RPRD1B: variants seen among roughly 807,000 people sequenced by gnomAD.
The protein encoded by RPRD1B is regulation of nuclear pre-mRNA domain-containing protein 1B.
Under a neutral mutation model 41.5 loss-of-function variants are expected in RPRD1B, and 11 were observed. The observed-to-expected ratio is 0.27, with a 90% CI of 0.17 to 0.44. RPRD1B has a LOEUF of 0.44. RPRD1B is among the 20% of genes least tolerant of loss of function. The pLI, the probability that RPRD1B is intolerant of heterozygous loss-of-function variation, is 1.00. For missense variants in RPRD1B, 248 were observed against 389.9 expected (o/e 0.64, Z 3.06); for synonymous variants, 158 against 155.6 (o/e 1.02, Z -0.12).
At chr20:38,070,326 C>T in intron 6 of RPRD1B, 1 of 985,362 alleles carries the variant, frequency 1.0e-6, no homozygotes, top group Non-Finnish European at 1.2e-6. Flanking sequence ...TTGTCATGAA[C>T]ATGAGAAAAC....
chr20:38,058,487 C>T (rs2074265857), intron 4 of RPRD1B, among the ~76,000 whole-genome samples: 1 of 152,204 alleles, frequency 6.6e-6, no homozygotes, highest in South Asian at 2.1e-4. Flanking sequence ...ACAGAGCTAG[C>T]TACTCCTTGG....
intron 3 of RPRD1B, 86 bp from the exon 4 acceptor site, chr20:38,057,446 T>C: frequency 1.1e-6 from 1 of 881,890 alleles, no homozygotes; most frequent in South Asian, 1.4e-5. Context: ...TTCTGCCCTG[T>C]TTTTACATGT....
chr20:38,055,808 A>T (rs1325101825), intron 3 of RPRD1B, among the ~76,000 whole-genome samples: 2 of 152,170 alleles, frequency 1.3e-5, no homozygotes, highest in African/African-American at 4.8e-5. Flanking sequence ...GACCTGCATA[A>T]CAGGTGTTCA....
chr20:38,051,398 G>C (rs1312281348), intron 3 of RPRD1B, among the ~76,000 whole-genome samples: 2 of 152,174 alleles, frequency 1.3e-5, no homozygotes, highest in African/African-American at 4.8e-5. Context: ...TAGATACAAA[G>C]GGACTAGCAT....
chr20:38,049,700 T>C, intron 3 of RPRD1B: 1 of 471,114 alleles, frequency 2.1e-6, no homozygotes, highest in South Asian at 1.5e-5. Context: ...GATCAAATGT[T>C]GTTTAGTTAC....
At position 38,066,012 on chromosome 20, in the gene RPRD1B, A is replaced by G. The variant is rs75680064; in HGVS notation, c.656-69A>G. The G allele has an allele frequency of 5.9e-4, 873 of 1,491,106 alleles. 2 individuals are homozygous for G. The African/African-American group carries it at 0.011, about 19-fold the overall frequency. The allele number at this position is 1,491,106 out of a possible 1,614,324, so 92.4% of individuals were successfully genotyped here. ...GGGAGAGAAACCGTTAACCTCCCCCAGAAATGTTTGTAGTCATACCTGTGT... is the reference window on the plus strand; with the variant it reads ...GGGAGAGAAACCGTTAACCTCCCCCGGAAATGTTTGTAGTCATACCTGTGT... On this transcript the variant is annotated intron_variant, in intron 5 of 6. Transcript: ENST00000373433.
At position 38,033,992 on chromosome 20, in the gene RPRD1B, G is replaced by A. The variant is rs1270178182; in HGVS notation, c.45G>A (p.Glu15=). 3 of 1,613,888 alleles carry A rather than the reference G, an allele frequency of 1.9e-6. No individual in the cohort carries two copies. The African/African-American group carries it at 4.0e-5, about 22-fold the overall frequency. ...SESALEKKLS[E]LSNSQQSVQT... is the part of the protein sequence containing the mutation. ...CGGCGCTGGAGAAGAAGCTCTCGGA[G>A]CTGAGCAACTCTCAGCAGAGCGTGC... The change falls in exon 1 of 7, where the codon GAG becomes GAA. Residue 15 remains glutamate (E), a synonymous_variant. Coordinates refer to ENST00000373433, the MANE Select transcript of RPRD1B (RefSeq NM_021215.4).
At chr20:38,057,495 T>C in intron 3 of RPRD1B, 37 bp from the exon 4 acceptor site, 1 of 1,438,696 alleles carries the variant, frequency 7.0e-7, no homozygotes, top group Non-Finnish European at 9.8e-7. Flanking sequence ...CACTACAGGA[T>C]ATGTGACTCA....
At chr20:38,075,816 T>C (rs769138521) in intron 6 of RPRD1B, among the ~76,000 whole-genome samples, 1 of 152,212 alleles carries the variant, frequency 6.6e-6, no homozygotes, top group Non-Finnish European at 1.5e-5. Flanking sequence ...AGATATGGCA[T>C]GCTTTATGTG....
intron 6 of RPRD1B, among the ~76,000 whole-genome samples, chr20:38,080,357 CTT>C (rs921775655): frequency 1.3e-5 from 2 of 152,190 alleles, no homozygotes; most frequent in Admixed American, 6.5e-5. Flanking sequence ...TCTTGATCCA[CTT>C]TGAGTTGGTT....
At position 38,091,182 on chromosome 20, in the gene RPRD1B, A is replaced by G. The variant is rs1264994857; in HGVS notation, c.*1307A>G. The G allele has an allele frequency of 2.0e-6, 2 of 985,750 alleles. No individual in the cohort carries two copies. Among genetic ancestry groups the G allele is most frequent in the Non-Finnish European group, 2.4e-6 (2 of 829,938 alleles). The allele number at this position is 985,750 out of a possible 1,614,324, so 61.1% of individuals were successfully genotyped here. On this transcript the variant is annotated 3_prime_UTR_variant, in exon 7 of 7. Coordinates refer to ENST00000373433, the MANE Select transcript of RPRD1B (RefSeq NM_021215.4). ...AGAAAGCGATTTGCCCCAGTAGTGT[A>G]ATAGGAGTTATAGACCAGAGGCTGA...
intron 3 of RPRD1B, among the ~76,000 whole-genome samples, chr20:38,056,416 C>A (rs1366032301): frequency 6.6e-6 from 1 of 152,002 alleles, no homozygotes; most frequent in Non-Finnish European, 1.5e-5. Context: ...AAATAAAACT[C>A]ATGATATTGA....
Position 38,064,231 on chromosome 20 carries a change from T to G in RPRD1B, c.656-1850T>G, listed in dbSNP as rs146623524. ...CCCCTTCACCAAGGACATTCTTTGT[T>G]TCCCATCCCTGAGGAGGGTAGAGGT... is the stretch of plus-strand genomic sequence containing the variant. On this transcript the variant is annotated intron_variant, in intron 5 of 6. Transcript: ENST00000373433. Among the ~76,000 whole-genome samples, 107 of 152,340 alleles carry G rather than the reference T, an allele frequency of 7.0e-4. 1 individual carries two copies. The East Asian group carries it at 0.019, about 27-fold the overall frequency.
At chr20:38,060,743 AC>A (rs2065656954) in intron 5 of RPRD1B, among the ~76,000 whole-genome samples, 2 of 151,868 alleles carry the variant, frequency 1.3e-5, no homozygotes, top group African/African-American at 4.8e-5. Flanking sequence ...CTGCTTTCCC[AC>A]CCCAGGAATT....
chr20:38,072,013 A>T (rs1383252298), intron 6 of RPRD1B, among the ~76,000 whole-genome samples: 1 of 151,854 alleles, frequency 6.6e-6, no homozygotes, highest in African/African-American at 2.4e-5. Flanking sequence ...AAAGTTTTTT[A>T]TTTTTATGAG....
intron 3 of RPRD1B, among the ~76,000 whole-genome samples, chr20:38,057,315 A>G (rs1467628657): frequency 6.6e-6 from 1 of 152,188 alleles, no homozygotes; most frequent in African/African-American, 2.4e-5. Flanking sequence ...TTACCAGAGA[A>G]TCAATCTGAG....
chr20:38,068,315 C>T (rs969343156), intron 6 of RPRD1B, among the ~76,000 whole-genome samples: 1 of 152,146 alleles, frequency 6.6e-6, no homozygotes, highest in Non-Finnish European at 1.5e-5. Flanking sequence ...ACCATGTCTC[C>T]GAGGCACATG....
rs548208695 is a variant in RPRD1B, at chr20:38,056,229, A to G, written c.416-1303A>G. On this transcript the variant is annotated intron_variant, in intron 3 of 6. Transcript: ENST00000373433. ...TGGTGAATGAAACCCTGACTCTACT[A>G]AAAATACAAAAATTAGCCAGGCATG... Among the ~76,000 whole-genome samples the G allele has an allele frequency of 2.6e-4, 39 of 152,130 alleles. No homozygotes were observed. In the South Asian group the frequency reaches 7.5e-3, roughly 29 times the overall value.
At chr20:38,038,495 T>TTG (rs2074028488) in intron 1 of RPRD1B, among the ~76,000 whole-genome samples, 5 of 109,386 alleles carry the variant, frequency 4.6e-5, no homozygotes, top group Admixed American at 4.3e-4. Flanking sequence ...GTTTTGTTTT[T>TTG]TTTTTTTTTT....
Sources: gnomAD v4.1 joint callset for allele counts (sites outside exome capture counted in the v4.1 genomes callset) on GRCh38, gnomAD v4.1.1 for gene constraint, MANE v1.5 for transcripts, NCBI Gene and HGNC (gene_info 2026-07-23, HGNC 2026-07-21) for gene names.